The following NSUN7 variants were observed in gnomAD, a reference collection of about 807,000 sequenced individuals.
The protein encoded by NSUN7 is NOP2/Sun RNA methyltransferase family member 7.
Under a neutral mutation model 58.5 loss-of-function variants are expected in NSUN7, and 39 were observed. The ratio of observed to expected loss-of-function variants is 0.67; its 90% CI spans 0.52 to 0.87. The LOEUF is 0.87. Ranked by LOEUF, NSUN7 falls within the 40% of genes least tolerant of loss-of-function variation. The probability of loss-of-function intolerance (pLI) is 0.00; values close to 1 mark genes in which losing one functional copy is unlikely to be tolerated. For synonymous variants in NSUN7, 278 were observed against 303.7 expected (o/e 0.92, Z 0.88); for missense variants, 765 against 844.1 (o/e 0.91, Z 1.16).
chr4:40,779,864 T>G (rs1396379110), intron 7 of NSUN7, among the ~76,000 whole-genome samples: 1 of 152,162 alleles, frequency 6.6e-6, no homozygotes. Flanking sequence ...AAGTAGTATA[T>G]TAAGTCAATG....
chr4:40,780,790 CACATATATATAT>C (rs775834217), intron 7 of NSUN7, among the ~76,000 whole-genome samples: 3,962 of 110,724 alleles, frequency 0.036, 68 homozygotes, highest in African/African-American at 0.049. Flanking sequence ...CACACACATA[CACATATATATAT>C]ATATATATAT....
chr4:40,796,065 T>C (rs1175096678), intron 9 of NSUN7, among the ~76,000 whole-genome samples: 1 of 152,160 alleles, frequency 6.6e-6, no homozygotes, highest in Non-Finnish European at 1.5e-5. Flanking sequence ...CACTATTCTC[T>C]ACTTTAAAAT....
chr4:40,798,646 G>A (rs920068067), intron 9 of NSUN7, 141 bp from the exon 10 acceptor site: 8 of 452,394 alleles, frequency 1.8e-5, no homozygotes, highest in African/African-American at 7.9e-5. Context: ...TACTTTAAAG[G>A]GGAGCCATTC....
In NSUN7 at chr4:40,791,748, G is replaced by T. The variant is rs187465984; in HGVS notation, c.1180+1003G>T. ...TTCTAGCAAGGACAGAAGAGGAAAA[G>T]AAATGGAGGGAAAAGAGCTAATATT... is the stretch of plus-strand genomic sequence containing the variant. On this transcript the variant is annotated intron_variant, in intron 8 of 11. Coordinates refer to ENST00000381782, the MANE Select transcript of NSUN7 (RefSeq NM_024677.6). 5.3e-5 allele frequency among the ~76,000 whole-genome samples: 8 copies of T among 152,302 alleles called. No homozygotes were observed. In the East Asian group the frequency reaches 1.5e-3, roughly 29 times the overall value.
chr4:40,754,361 TG>T (rs1741028723), intron 2 of NSUN7, among the ~76,000 whole-genome samples: 1 of 152,168 alleles, frequency 6.6e-6, no homozygotes. Context: ...TTGGCCAGGC[TG>T]GTCTTGAACT....
chr4:40,750,396 G>A (rs1430594020), intron 1 of NSUN7, 96 bp downstream of exon 1: 3 of 306,646 alleles, frequency 9.8e-6, no homozygotes, highest in African/African-American at 2.2e-5. Context: ...GAGGGAAGCC[G>A]TCGGTCTCCT....
intron 2 of NSUN7, among the ~76,000 whole-genome samples, chr4:40,759,357 A>G (rs536477295): frequency 6.6e-6 from 1 of 152,338 alleles, no homozygotes; most frequent in Non-Finnish European, 1.5e-5. Context: ...TATGATGTAT[A>G]TATAGTTTAA....
intron 4 of NSUN7, among the ~76,000 whole-genome samples, chr4:40,771,311 A>G (rs181611364): frequency 1.3e-5 from 2 of 152,292 alleles, no homozygotes; most frequent in Admixed American, 1.3e-4. Flanking sequence ...TTGGCTGCCA[A>G]CAACTCCCTA....
chr4:40,794,337 T>C, intron 8 of NSUN7, 38 bp from the exon 9 acceptor site: 1 of 1,190,138 alleles, frequency 8.4e-7, no homozygotes, highest in African/African-American at 1.5e-5. Context: ...AAGTTTTTAA[T>C]GGTGCTATAT....
rs1047287779 is a variant in NSUN7 at position 40,809,990 on chromosome 4, A to G, written c.*1051A>G. 2.0e-5 allele frequency: 3 copies of G among 152,228 alleles called. No homozygotes were observed. The highest frequency in any genetic ancestry group is 7.2e-5 in the African/African-American group (3 of 41,460). 9.4% of individuals were successfully genotyped at this position (152,228 alleles called of 1,614,324 possible). A position where few individuals can be genotyped will look rare whatever the true frequency, so the allele number is the denominator to read the frequency against. On this transcript the variant is annotated 3_prime_UTR_variant, in exon 12 of 12. Coordinates refer to ENST00000381782, the MANE Select transcript of NSUN7 (RefSeq NM_024677.6). ...TTAAATAGAATTAAGATACAACTAT[A>G]TATCTTATTATTTAAAAACATTCAT...
At chr4:40,804,665 T>C (rs1364279828) in intron 10 of NSUN7, among the ~76,000 whole-genome samples, 1 of 152,110 alleles carries the variant, frequency 6.6e-6, no homozygotes, top group Non-Finnish European at 1.5e-5. Context: ...TTCTGTTACC[T>C]AGTAAGAGTG....
chr4:40,801,985 C>T (rs1743607824), intron 10 of NSUN7, among the ~76,000 whole-genome samples: 1 of 151,382 alleles, frequency 6.6e-6, no homozygotes. Context: ...CAATGTTTTC[C>T]TTATGGATTC....
rs1056565222 is a variant in NSUN7 at position 40,808,977 on chromosome 4, AT to A, written c.*46del. The A allele has an allele frequency of 7.5e-6, 11 of 1,458,496 alleles. No individual in the cohort carries two copies. Among genetic ancestry groups the A allele is most frequent in the Non-Finnish European group, 9.9e-6 (11 of 1,108,670 alleles). 90.3% of individuals were successfully genotyped at this position (1,458,496 alleles called of 1,614,324 possible). On this transcript the variant is annotated 3_prime_UTR_variant, in exon 12 of 12. Transcript: ENST00000381782. ...TTTTATAGGGGCCAAAGAGCAGTTG[AT>A]TTTTTTTCAAAGTCTAGTATTTCTC...
intron 4 of NSUN7, among the ~76,000 whole-genome samples, chr4:40,771,245 C>G (rs1285668266): frequency 6.6e-6 from 1 of 152,258 alleles, no homozygotes; most frequent in South Asian, 2.1e-4. Context: ...GGACTCTAGT[C>G]TCTGCTTCTC....
chr4:40,770,942 T>A (rs6816981), intron 4 of NSUN7, among the ~76,000 whole-genome samples: 11 of 151,872 alleles, frequency 7.2e-5, no homozygotes, highest in South Asian at 2.1e-4. Context: ...TCCCAGCTAC[T>A]TGGGAGGCTG....
In NSUN7 at chr4:40,774,312, A is replaced by G. The variant is rs752393180; in HGVS notation, c.536A>G (p.His179Arg). ...AAALARCRIK[H>R]DALSIYHILP... ...GCATTGGCAAGATGTCGAATCAAGC[A>G]TGATGCCCTTTCAATTTACCACATC... The change falls in exon 5 of 12, where the codon CAT (histidine) becomes CGT (arginine). Residue 179 changes from histidine (H) to arginine (R), a missense_variant. Transcript: ENST00000381782. 104 of 1,614,042 alleles carry G rather than the reference A, an allele frequency of 6.4e-5. No individual in the cohort carries two copies. The Middle Eastern group carries it at 2.5e-3, about 38-fold the overall frequency.
intron 7 of NSUN7, among the ~76,000 whole-genome samples, chr4:40,785,676 A>AACGAC (rs1742783960): frequency 6.6e-6 from 1 of 151,874 alleles, no homozygotes; most frequent in Non-Finnish European, 1.5e-5. Context: ...TTGGAATTAA[A>AACGAC]ATACTTCAAA....
At chr4:40,792,921 AT>A (rs1187189871) in intron 8 of NSUN7, among the ~76,000 whole-genome samples, 1 of 152,194 alleles carries the variant, frequency 6.6e-6, no homozygotes, top group African/African-American at 2.4e-5. Context: ...AGATTATTTT[AT>A]TAAACTTAGA....
At chr4:40,761,341 A>T in intron 4 of NSUN7, 40 bp downstream of exon 4, 1 of 1,523,046 alleles carries the variant, frequency 6.6e-7, no homozygotes, top group South Asian at 1.2e-5. Context: ...TATGAAACCT[A>T]CATTGGTATT....
Sources: allele counts gnomAD v4.1 joint callset (sites outside exome capture counted in the v4.1 genomes callset), GRCh38; gene constraint gnomAD v4.1.1; transcripts MANE v1.5; gene names NCBI Gene and HGNC (gene_info 2026-07-23, HGNC 2026-07-21).